CLYBL: variants seen among roughly 807,000 people sequenced by gnomAD.
The protein encoded by CLYBL is citramalyl-CoA lyase, mitochondrial.
CLYBL carries 31 observed loss-of-function variants against 38.9 expected under a neutral mutation model. The ratio of observed to expected loss-of-function variants is 0.80; its 90% CI spans 0.60 to 1.08. CLYBL has a LOEUF of 1.08. CLYBL is among the 50% of genes least tolerant of loss of function. The pLI is 0.00. For missense variants in CLYBL, 434 were observed against 411.6 expected, an observed-to-expected ratio of 1.05 and a Z score of -0.47; for synonymous variants, 171 against 158.6, an observed-to-expected ratio of 1.08 and a Z score of -0.59.
At chr13:99,876,969 C>T (rs1271343500) in intron 7 of CLYBL, among the ~76,000 whole-genome samples, 4 of 152,178 alleles carry the variant, frequency 2.6e-5, no homozygotes, top group Admixed American at 1.3e-4. Context: ...GTTCCCCACA[C>T]GCCTCCCTGC....
At chr13:99,772,109 T>C (rs2049408415) in intron 1 of CLYBL, among the ~76,000 whole-genome samples, 1 of 152,214 alleles carries the variant, frequency 6.6e-6, no homozygotes, top group South Asian at 2.1e-4. Context: ...TCGTTAGTTT[T>C]TTTTTTCTAC....
chr13:99,614,386 G>A (rs1179440244), intron 1 of CLYBL, among the ~76,000 whole-genome samples: 1 of 152,180 alleles, frequency 6.6e-6, no homozygotes, highest in Non-Finnish European at 1.5e-5. Flanking sequence ...GAAGGCAGTT[G>A]TATGCACATC....
chr13:99,613,595 G>T (rs1362142471), intron 1 of CLYBL, among the ~76,000 whole-genome samples: 2 of 152,172 alleles, frequency 1.3e-5, no homozygotes, highest in African/African-American at 4.8e-5. Flanking sequence ...GACAGAGGTG[G>T]GAGAAGAGGG....
chr13:99,772,596 G>C (rs1473475238), intron 1 of CLYBL, among the ~76,000 whole-genome samples: 2 of 152,136 alleles, frequency 1.3e-5, no homozygotes, highest in African/African-American at 4.8e-5. Flanking sequence ...TACTGGGGAG[G>C]CTGAGGTGGG....
chr13:99,688,182 T>C (rs1269916806), intron 1 of CLYBL, among the ~76,000 whole-genome samples: 1 of 152,196 alleles, frequency 6.6e-6, no homozygotes, highest in Admixed American at 6.5e-5. Flanking sequence ...ACACACATTT[T>C]TTGCTACTCT....
intron 1 of CLYBL, among the ~76,000 whole-genome samples, chr13:99,671,657 G>A (rs919047555): frequency 6.6e-6 from 1 of 151,904 alleles, no homozygotes; most frequent in Non-Finnish European, 1.5e-5. Flanking sequence ...GTGCGTGCCT[G>A]TAATCCCAGC....
chr13:99,699,710 T>C (rs1370718465), intron 1 of CLYBL, among the ~76,000 whole-genome samples: 1 of 97,328 alleles, frequency 1.0e-5, no homozygotes, highest in African/African-American at 4.0e-5. Context: ...AAAATAAAAA[T>C]AGGCCAGGCG....
chr13:99,807,323 T>C (rs569751631), intron 2 of CLYBL, among the ~76,000 whole-genome samples: 1 of 152,338 alleles, frequency 6.6e-6, no homozygotes, highest in Non-Finnish European at 1.5e-5. Context: ...CACGAAGGTC[T>C]GATTTGACGC....
intron 2 of CLYBL, among the ~76,000 whole-genome samples, chr13:99,850,775 A>G (rs753501018): frequency 3.9e-5 from 6 of 152,258 alleles, no homozygotes; most frequent in Admixed American, 6.5e-5. Context: ...AACAATCCAA[A>G]TGTCTACCAA....
At chr13:99,783,047 T>A (rs1188945713) in intron 2 of CLYBL, among the ~76,000 whole-genome samples, 2 of 152,136 alleles carry the variant, frequency 1.3e-5, no homozygotes, top group African/African-American at 4.8e-5. Flanking sequence ...TGGTTTTTGT[T>A]TTGCTTTTTT....
chr13:99,841,222 A>G (rs1243908976), intron 2 of CLYBL, among the ~76,000 whole-genome samples: 1 of 152,166 alleles, frequency 6.6e-6, no homozygotes, highest in Non-Finnish European at 1.5e-5. Context: ...AGCACGGCGC[A>G]CGGAGGAAAG....
chr13:99,845,791 C>T (rs536953380), intron 2 of CLYBL, among the ~76,000 whole-genome samples: 2 of 152,198 alleles, frequency 1.3e-5, no homozygotes, highest in South Asian at 2.1e-4. Context: ...TGTTCTCCAG[C>T]GATCCTCAGT....
intron 1 of CLYBL, among the ~76,000 whole-genome samples, chr13:99,771,781 A>G (rs139357570): frequency 4.7e-4 from 72 of 152,328 alleles, no homozygotes; most frequent in South Asian, 2.7e-3. Context: ...TCCATTAATA[A>G]CAACAGCAGC....
intron 1 of CLYBL, among the ~76,000 whole-genome samples, chr13:99,696,745 G>C (rs1316391743): frequency 6.6e-6 from 1 of 150,430 alleles, no homozygotes; most frequent in Non-Finnish European, 1.5e-5. Flanking sequence ...AGGAGTTCAA[G>C]ACCAGCCTGG....
intron 1 of CLYBL, among the ~76,000 whole-genome samples, chr13:99,678,427 G>A (rs74112530): frequency 6.6e-6 from 1 of 152,166 alleles, no homozygotes; most frequent in South Asian, 2.1e-4. Flanking sequence ...TTGATTCCAA[G>A]CTCTGCTGAA....
chr13:99,669,532 C>T (rs1364210046), intron 1 of CLYBL, among the ~76,000 whole-genome samples: 2 of 152,088 alleles, frequency 1.3e-5, no homozygotes, highest in Non-Finnish European at 2.9e-5. Context: ...TTAGCTTTTC[C>T]CAAATAGGAA....
At chr13:99,864,941 CTG>C (rs3831038) in intron 5 of CLYBL, 30 bp downstream of exon 5, 226,608 of 1,339,858 alleles carry the variant, frequency 0.17, 29,663 homozygotes, top group East Asian at 0.6. Flanking sequence ...CTCTCTTTTT[CTG>C]TGTGTGTGTG....
intron 1 of CLYBL, among the ~76,000 whole-genome samples, chr13:99,662,195 A>G (rs1243474614): frequency 6.6e-6 from 1 of 152,196 alleles, no homozygotes; most frequent in African/African-American, 2.4e-5. Context: ...AAAGCCCCAG[A>G]AGTTTTAAAA....
intron 1 of CLYBL, among the ~76,000 whole-genome samples, chr13:99,685,265 A>T (rs1177124987): frequency 6.6e-6 from 1 of 152,228 alleles, no homozygotes; most frequent in Non-Finnish European, 1.5e-5. Flanking sequence ...ATGAAAACTC[A>T]ATAGTTCTAC....
Sources: gnomAD v4.1 joint callset for allele counts (sites outside exome capture counted in the v4.1 genomes callset) on GRCh38, gnomAD v4.1.1 for gene constraint, MANE v1.5 for transcripts, NCBI Gene and HGNC (gene_info 2026-07-23, HGNC 2026-07-21) for gene names.